RABGAP1L: variants seen among roughly 807,000 people sequenced by gnomAD.
The protein encoded by RABGAP1L is rab GTPase-activating protein 1-like.
A neutral mutation model predicts 137.7 loss-of-function variants in RABGAP1L; 63 were observed. The ratio of observed to expected loss-of-function variants is 0.46; its 90% CI spans 0.37 to 0.56. The LOEUF is 0.56. RABGAP1L is among the 20% of genes least tolerant of loss of function. The probability of loss-of-function intolerance (pLI) is 0.00; values close to 1 mark genes in which losing one functional copy is unlikely to be tolerated. For synonymous variants in RABGAP1L, 431 were observed against 433.7 expected, an observed-to-expected ratio of 0.99 and a Z score of 0.08; for missense variants, 1,095 against 1,244.0, an observed-to-expected ratio of 0.88 and a Z score of 1.80.
chr1:174,953,530 T>C (rs915877474), intron 19 of RABGAP1L, among the ~76,000 whole-genome samples: 3 of 152,220 alleles, frequency 2.0e-5, no homozygotes, highest in Admixed American at 6.5e-5. Flanking sequence ...GGACCCACTC[T>C]CATCTGTAAT....
rs571039318 is a variant in RABGAP1L, at chr1:174,327,447, A to G, written c.1465+22320A>G. ...GTCAGCTTAAAATAATATAACTGTA[A>G]GATGTTTTTTGTAAGTCTCATGGTA... On this transcript the variant is annotated intron_variant, in intron 11 of 25. Transcript: ENST00000681986. Among the ~76,000 whole-genome samples, 5 of 152,200 alleles carry G rather than the reference A, an allele frequency of 3.3e-5. No individual in the cohort carries two copies. In the East Asian group the frequency reaches 9.6e-4, roughly 29 times the overall value.
At chr1:174,310,420 AT>A (rs1286105841) in intron 11 of RABGAP1L, among the ~76,000 whole-genome samples, 1 of 152,150 alleles carries the variant, frequency 6.6e-6, no homozygotes, top group Non-Finnish European at 1.5e-5. Flanking sequence ...GAGAATGTAT[AT>A]TGTGCAGTTG....
At chr1:174,962,232 A>C (rs1669217296) in intron 20 of RABGAP1L, among the ~76,000 whole-genome samples, 1 of 143,074 alleles carries the variant, frequency 7.0e-6, no homozygotes, top group African/African-American at 2.6e-5. Flanking sequence ...TAGTTAATTA[A>C]ATTCAGTGAA....
chr1:174,565,095 C>T (rs1355801447), intron 13 of RABGAP1L, among the ~76,000 whole-genome samples: 1 of 152,038 alleles, frequency 6.6e-6, no homozygotes, highest in Admixed American at 6.6e-5. Flanking sequence ...ATAGAGGTCA[C>T]ATTTAGTGAG....
chr1:174,365,710 GATGTGGGTGGGGTGGTATCAGCA>G (rs1684556066), intron 11 of RABGAP1L, among the ~76,000 whole-genome samples: 1 of 152,196 alleles, frequency 6.6e-6, no homozygotes, highest in Non-Finnish European at 1.5e-5. Context: ...GCTGCTGAGG[GATGTGGGTGGGGTGGTATCAGCA>G]ACTCATGACT....
chr1:174,536,394 G>A (rs1664891151), intron 13 of RABGAP1L, among the ~76,000 whole-genome samples: 1 of 152,076 alleles, frequency 6.6e-6, no homozygotes, highest in South Asian at 2.1e-4. Context: ...GGAGGGTTGG[G>A]AGATTGAGAG....
At chr1:174,618,216 G>A (rs1672090478) in intron 13 of RABGAP1L, among the ~76,000 whole-genome samples, 1 of 152,200 alleles carries the variant, frequency 6.6e-6, no homozygotes, top group African/African-American at 2.4e-5. Flanking sequence ...ACCTCTGGGG[G>A]CACAGCATAG....
At position 174,811,978 on chromosome 1, in the gene RABGAP1L, T is replaced by G; in HGVS notation, c.2340+18T>G. On this transcript the variant is annotated intron_variant, in intron 19 of 25. Coordinates refer to ENST00000681986, the MANE Select transcript of RABGAP1L (RefSeq NM_001366446.1). The stretch of plus-strand genomic sequence containing the variant: ...ATATTAAAGTAAGAACATGAGTTTT[T>G]ATATAATAAAGGTAAAATATGAGTG... 2 of 1,568,866 alleles carry G rather than the reference T, an allele frequency of 1.3e-6. No homozygotes were observed. The highest frequency in any genetic ancestry group is 1.7e-6 in the Non-Finnish European group (2 of 1,162,228).
At chr1:174,216,003 T>G (rs1256598487) in intron 1 of RABGAP1L, among the ~76,000 whole-genome samples, 1 of 152,172 alleles carries the variant, frequency 6.6e-6, no homozygotes, top group Non-Finnish European at 1.5e-5. Flanking sequence ...GCAACATGGA[T>G]GAAAGCAGAT....
chr1:174,680,804 C>T (rs1044488261), intron 14 of RABGAP1L, among the ~76,000 whole-genome samples: 3 of 151,836 alleles, frequency 2.0e-5, no homozygotes, highest in African/African-American at 4.8e-5. Context: ...TGAGGTGGGT[C>T]GATCGCTTCA....
chr1:174,700,412 A>G (rs1679556613), intron 16 of RABGAP1L: 1 of 152,276 alleles, frequency 6.6e-6, no homozygotes, highest in Non-Finnish European at 1.5e-5. Flanking sequence ...GATTGATTCC[A>G]TATTGGGGAA....
chr1:174,950,477 T>C (rs1247168211), intron 19 of RABGAP1L, among the ~76,000 whole-genome samples: 1 of 152,190 alleles, frequency 6.6e-6, no homozygotes, highest in Admixed American at 6.5e-5. Context: ...TTCCTCCTCT[T>C]GATGGATGCC....
At chr1:174,329,677 G>A (rs555427080) in intron 11 of RABGAP1L, among the ~76,000 whole-genome samples, 78 of 152,232 alleles carry the variant, frequency 5.1e-4, no homozygotes, top group African/African-American at 1.8e-3. Context: ...TTTAACATAA[G>A]CAAATCAGTA....
rs73040865 is a variant in RABGAP1L, at chr1:174,453,403, G to A, written c.1710+59258G>A. On this transcript the variant is annotated intron_variant, in intron 13 of 25. Transcript: ENST00000681986. ...TAAAGATAAATGAAGTTGCCTTAAA[G>A]GACCTTTCCTCTTTTTCTCCCCACG... Among the ~76,000 whole-genome samples the A allele has an allele frequency of 4.8e-3, 729 of 152,274 alleles. 7 individuals carry two copies. Among genetic ancestry groups the A allele is most frequent in the African/African-American group, 0.017 (688 of 41,550 alleles).
At chr1:174,429,248 T>G (rs941715451) in intron 13 of RABGAP1L, among the ~76,000 whole-genome samples, 1 of 152,258 alleles carries the variant, frequency 6.6e-6, no homozygotes. Flanking sequence ...ACTAGTCGTC[T>G]TCTTCACTGG....
intron 13 of RABGAP1L, among the ~76,000 whole-genome samples, chr1:174,514,510 A>G (rs941714367): frequency 1.3e-5 from 2 of 152,172 alleles, no homozygotes; most frequent in East Asian, 1.9e-4. Flanking sequence ...GATTTTTATC[A>G]TGAATTAAAA....
chr1:174,736,098 A>G (rs767056447), intron 17 of RABGAP1L, among the ~76,000 whole-genome samples: 33 of 152,192 alleles, frequency 2.2e-4, no homozygotes, highest in Non-Finnish European at 4.1e-4. Context: ...TAGTTGCCTC[A>G]AGTCTTATTC....
At chr1:174,617,999 C>T (rs114289262) in intron 13 of RABGAP1L, among the ~76,000 whole-genome samples, 11,933 of 152,206 alleles carry the variant, frequency 0.078, 655 homozygotes, top group East Asian at 0.32. Context: ...GATTATAGCC[C>T]GCGCCTGGCT....
At position 174,290,728 on chromosome 1, in the gene RABGAP1L, G is replaced by A. The variant is rs116563993; in HGVS notation, c.1323+11949G>A. Among the ~76,000 whole-genome samples the A allele has an allele frequency of 7.8e-3, 1,160 of 149,508 alleles. 10 individuals carry two copies. The highest frequency in any genetic ancestry group is 0.026 in the African/African-American group (1,076 of 40,936). ...TTTTTGTATATTAGCCATATTTCCC[G>A]CAACTTTGCTAAATTAACTTGTTTT... On this transcript the variant is annotated intron_variant, in intron 10 of 25. Transcript: ENST00000681986.
Sources: allele counts gnomAD v4.1 joint callset (sites outside exome capture counted in the v4.1 genomes callset), GRCh38; gene constraint gnomAD v4.1.1; transcripts MANE v1.5; gene names NCBI Gene and HGNC (gene_info 2026-07-23, HGNC 2026-07-21).